Variants in CNTN6 observed in about 807,000 individuals in gnomAD.
CNTN6 encodes the protein contactin-6.
Under a neutral mutation model 122.8 loss-of-function variants are expected in CNTN6, and 137 were observed. The observed-to-expected ratio is 1.12, with a 90% CI of 0.97 to 1.29. The LOEUF is 1.29. CNTN6 is among the 50% of genes most tolerant of loss of function. The probability of loss-of-function intolerance (pLI) is 0.00; values close to 1 mark genes in which losing one functional copy is unlikely to be tolerated. For missense variants in CNTN6, 1,634 were observed against 1,223.4 expected (o/e 1.34, Z -5.01); for synonymous variants, 570 against 426.0 (o/e 1.34, Z -4.16).
chr3:1,330,774 A>C (rs78497483), intron 11 of CNTN6, among the ~76,000 whole-genome samples: 3 of 152,036 alleles, frequency 2.0e-5, no homozygotes, highest in East Asian at 1.9e-4. Flanking sequence ...GGTGAAAGAA[A>C]GGACAACTAA....
chr3:1,104,150 G>A (rs1196629645), intron 1 of CNTN6, among the ~76,000 whole-genome samples: 1 of 151,992 alleles, frequency 6.6e-6, no homozygotes. Flanking sequence ...ATTCAATGAA[G>A]TATACAACTC....
chr3:1,173,315 A>G, intron 2 of CNTN6: 1 of 456,618 alleles, frequency 2.2e-6, no homozygotes, highest in Non-Finnish European at 4.4e-6. Flanking sequence ...CGGTTTGCAA[A>G]GAGGTGAGTG....
rs2094871754 is a variant in CNTN6, at chr3:1,262,991, T to C, written c.359-15422T>C. Reference sequence around the variant, plus strand: ...ATCGTTTAAATCAACTCCAAGTCTTTGTAAGAGTTATAAGTTATTTAGGGC... The same window carrying C: ...ATCGTTTAAATCAACTCCAAGTCTTCGTAAGAGTTATAAGTTATTTAGGGC... On this transcript the variant is annotated intron_variant, in intron 4 of 22. Coordinates refer to ENST00000446702, the MANE Select transcript of CNTN6 (RefSeq NM_001289080.2). 2.0e-5 allele frequency among the ~76,000 whole-genome samples: 3 copies of C among 152,118 alleles called. No homozygotes were observed. The South Asian group carries it at 6.2e-4, about 32-fold the overall frequency.
chr3:1,137,635 AC>A (rs1268379647), intron 1 of CNTN6, among the ~76,000 whole-genome samples: 2 of 152,306 alleles, frequency 1.3e-5, no homozygotes, highest in South Asian at 2.1e-4. Flanking sequence ...ATGGAAAAAA[AC>A]ATTACACTTT....
chr3:1,224,222 A>G (rs913111296), intron 3 of CNTN6, among the ~76,000 whole-genome samples: 1 of 152,166 alleles, frequency 6.6e-6, no homozygotes, highest in Admixed American at 6.5e-5. Flanking sequence ...GAATCAACTC[A>G]TAGAAGTAGA....
chr3:1,162,748 G>T (rs572305817), intron 2 of CNTN6, among the ~76,000 whole-genome samples: 29 of 152,320 alleles, frequency 1.9e-4, no homozygotes, highest in African/African-American at 6.7e-4. Context: ...GAGTCCAAAA[G>T]CACGTGAGGA....
intron 5 of CNTN6, among the ~76,000 whole-genome samples, chr3:1,289,676 GT>G (rs11438242): frequency 0.079 from 10,873 of 137,604 alleles, 396 homozygotes; most frequent in Middle Eastern, 0.11. Flanking sequence ...GTTTTTTTGG[GT>G]TTTTTTTTTT....
chr3:1,220,381 A>C (rs537316246), intron 2 of CNTN6, among the ~76,000 whole-genome samples: 7 of 152,240 alleles, frequency 4.6e-5, no homozygotes, highest in African/African-American at 1.7e-4. Context: ...ATTAGAAAAA[A>C]TGGGAAATGG....
intron 4 of CNTN6, among the ~76,000 whole-genome samples, chr3:1,241,464 G>C (rs185494836): frequency 6.6e-6 from 1 of 152,032 alleles, no homozygotes; most frequent in Admixed American, 6.6e-5. Flanking sequence ...AACATTTGTC[G>C]TATAGAATGA....
At chr3:1,384,724 TAC>T (rs1242919457) in intron 19 of CNTN6, among the ~76,000 whole-genome samples, 2,080 of 136,288 alleles carry the variant, frequency 0.015, 25 homozygotes, top group Middle Eastern at 0.026. Context: ...ATACTATATA[TAC>T]ACACATATAT....
chr3:1,256,956 TTAACAACCTTTGAAAAA>T (rs1220551138), intron 4 of CNTN6, among the ~76,000 whole-genome samples: 1 of 152,162 alleles, frequency 6.6e-6, no homozygotes, highest in Non-Finnish European at 1.5e-5. Context: ...TGCATCTTGA[TTAACAACCTTTGAAAAA>T]TGGTTATGCC....
chr3:1,160,055 G>A (rs1172299665), intron 2 of CNTN6, among the ~76,000 whole-genome samples: 1 of 151,916 alleles, frequency 6.6e-6, no homozygotes, highest in Non-Finnish European at 1.5e-5. Flanking sequence ...TCCTGACCTC[G>A]TGATCCATCT....
chr3:1,351,053 A>T (rs985973485), intron 11 of CNTN6, among the ~76,000 whole-genome samples: 2 of 151,874 alleles, frequency 1.3e-5, no homozygotes, highest in African/African-American at 4.8e-5. Flanking sequence ...TAATGACTTT[A>T]AAAAATCTGA....
intron 4 of CNTN6, among the ~76,000 whole-genome samples, chr3:1,261,156 G>A (rs759960088): frequency 6.6e-6 from 1 of 152,096 alleles, no homozygotes; most frequent in Non-Finnish European, 1.5e-5. Context: ...GCACATTTTA[G>A]TTACTTAATA....
At chr3:1,275,529 A>G (rs1559679767) in intron 4 of CNTN6, among the ~76,000 whole-genome samples, 1 of 152,184 alleles carries the variant, frequency 6.6e-6, no homozygotes, top group Non-Finnish European at 1.5e-5. Flanking sequence ...ACAACTGTCC[A>G]CCAATTTGCT....
chr3:1,203,760 A>G (rs1478693739), intron 2 of CNTN6, among the ~76,000 whole-genome samples: 1 of 152,122 alleles, frequency 6.6e-6, no homozygotes, highest in African/African-American at 2.4e-5. Flanking sequence ...GATTTTTTTT[A>G]GAGTATTCTC....
intron 2 of CNTN6, among the ~76,000 whole-genome samples, chr3:1,197,504 A>G (rs2093794657): frequency 6.6e-6 from 1 of 152,242 alleles, no homozygotes; most frequent in Admixed American, 6.5e-5. Flanking sequence ...ACACACATTT[A>G]GTGAAACCTA....
intron 12 of CNTN6, among the ~76,000 whole-genome samples, chr3:1,361,417 T>A (rs1707447922): frequency 1.3e-5 from 2 of 152,136 alleles, no homozygotes. Flanking sequence ...TGTTCAGCAT[T>A]CCTACTGATG....
At chr3:1,358,598 G>A (rs551514994) in intron 12 of CNTN6, among the ~76,000 whole-genome samples, 2 of 152,104 alleles carry the variant, frequency 1.3e-5, no homozygotes, top group African/African-American at 2.4e-5. Context: ...GAGGAATGGG[G>A]TTGAAGGGCG....
Sources: allele counts gnomAD v4.1 joint callset (sites outside exome capture counted in the v4.1 genomes callset), GRCh38; gene constraint gnomAD v4.1.1; transcripts MANE v1.5; gene names NCBI Gene and HGNC (gene_info 2026-07-23, HGNC 2026-07-21).